The following CC2D2A variants were observed in gnomAD, a reference collection of about 807,000 sequenced individuals.
The protein encoded by CC2D2A is coiled-coil and C2 domain-containing protein 2A.
In CC2D2A, 155 loss-of-function variants were observed where a neutral mutation model predicts 212.9. The observed-to-expected ratio is 0.73, with a 90% CI of 0.64 to 0.83. CC2D2A has a LOEUF of 0.83. Ranked by LOEUF, CC2D2A falls within the 40% of genes least tolerant of loss-of-function variation. The probability of loss-of-function intolerance (pLI) is 0.00; values close to 1 mark genes in which losing one functional copy is unlikely to be tolerated. For synonymous variants in CC2D2A, 667 were observed against 686.5 expected (o/e 0.97, Z 0.44); for missense variants, 1,856 against 1,956.2 (o/e 0.95, Z 0.97).
At chr4:15,475,891 G>A (rs1406395504) in intron 1 of CC2D2A, 24 bp from the exon 2 acceptor site, 6 of 1,539,770 alleles carry the variant, frequency 3.9e-6, no homozygotes, top group Non-Finnish European at 5.3e-6. Context: ...CAAAATGCCT[G>A]ACTTCTTCAT....
intron 6 of CC2D2A, among the ~76,000 whole-genome samples, chr4:15,507,541 T>C (rs962535967): frequency 3.3e-5 from 5 of 152,304 alleles, no homozygotes; most frequent in Admixed American, 6.5e-5. Context: ...GCACCAACTA[T>C]GTAGAGGCCA....
chr4:15,560,971 G>A (rs956506775), intron 23 of CC2D2A, among the ~76,000 whole-genome samples: 3 of 152,148 alleles, frequency 2.0e-5, no homozygotes, highest in Admixed American at 6.6e-5. Context: ...GTCTCCCAGT[G>A]CCAGACATTC....
chr4:15,495,099 T>C (rs1715539064), intron 4 of CC2D2A, among the ~76,000 whole-genome samples: 1 of 152,108 alleles, frequency 6.6e-6, no homozygotes, highest in Non-Finnish European at 1.5e-5. Flanking sequence ...ATACCCAATG[T>C]CTGTTGTTTC....
In CC2D2A at chr4:15,587,856, C is replaced by G; in HGVS notation, c.4106C>G (p.Ala1369Gly). The change falls in exon 32 of 37, where the codon GCA (alanine) becomes GGA (glycine). Residue 1369 changes from alanine (A) to glycine (G), a missense_variant. Ala to Gly is a moderately conservative substitution (Grantham distance 60, BLOSUM62 0). Transcript: ENST00000424120. ...CTGGCAGGGGATGAAGAAGAACATGCAGTACTATTGTGTAATTACTTTCTG... is the reference window on the plus strand; with the variant it reads ...CTGGCAGGGGATGAAGAAGAACATGGAGTACTATTGTGTAATTACTTTCTG... ...DLLAGDEEEH[A>G]VLLCNYFLSL... is the part of the protein sequence containing the mutation. 2 of 1,613,244 alleles carry G rather than the reference C, an allele frequency of 1.2e-6. No homozygotes were observed. The highest frequency in any genetic ancestry group is 1.7e-6 in the Non-Finnish European group (2 of 1,179,330).
intron 14 of CC2D2A, among the ~76,000 whole-genome samples, chr4:15,534,083 A>T (rs1717992571): frequency 6.6e-6 from 1 of 152,204 alleles, no homozygotes; most frequent in Non-Finnish European, 1.5e-5. Context: ...CATGAAGGTG[A>T]GCATTTTTTC....
At chr4:15,553,511 A>T (rs1420164923) in intron 19 of CC2D2A, among the ~76,000 whole-genome samples, 1 of 152,262 alleles carries the variant, frequency 6.6e-6, no homozygotes, top group Non-Finnish European at 1.5e-5. Context: ...TAGCCTAAGA[A>T]ATATTAAGTG....
At position 15,515,860 on chromosome 4, in the gene CC2D2A, C is replaced by T. The variant is rs114387988; in HGVS notation, c.881-8C>T. 67 of 1,548,418 alleles carry T rather than the reference C, an allele frequency of 4.3e-5. No homozygotes were observed. Among genetic ancestry groups the T allele is most frequent in the Admixed American group, 9.9e-5 (5 of 50,636 alleles). On this transcript the variant is annotated splice_polypyrimidine_tract_variant and splice_region_variant and intron_variant, in intron 9 of 36. Coordinates refer to ENST00000424120, the MANE Select transcript of CC2D2A (RefSeq NM_001378615.1). ...AATGTTTATTTTATTTATTTATAAA[C>T]GATCTAGTCCCTACATATAAAAAGC...
intron 6 of CC2D2A, among the ~76,000 whole-genome samples, chr4:15,507,782 A>G (rs989607157): frequency 6.6e-6 from 1 of 152,240 alleles, no homozygotes; most frequent in Non-Finnish European, 1.5e-5. Context: ...GGCCTCGGAC[A>G]AAGTCTGTTG....
intron 14 of CC2D2A, 79 bp from the exon 15 acceptor site, chr4:15,536,841 C>T: frequency 7.3e-7 from 1 of 1,368,720 alleles, no homozygotes; most frequent in South Asian, 1.4e-5. Flanking sequence ...ATAGCAAGTC[C>T]AATATAAGTA....
At chr4:15,569,225 G>T in intron 26 of CC2D2A, 68 bp from the exon 27 acceptor site, 1 of 835,420 alleles carries the variant, frequency 1.2e-6, no homozygotes, top group South Asian at 1.6e-5. Flanking sequence ...TTCAAATGCT[G>T]ACATTTGAAT....
chr4:15,599,725 C>CTAAACTGACTG lies in CC2D2A; in HGVS notation c.4674+21_4674+31dup, dbSNP rs1721495900. On this transcript the variant is annotated intron_variant, in intron 36 of 36. Transcript: ENST00000424120. ...CTACAGGGTAAGTTACAAATGGATC[C>CTAAACTGACTG]TAAACTGACTGTGGATTTCCTTGTT... The CTAAACTGACTG allele has an allele frequency of 2.6e-6, 4 of 1,553,766 alleles. No individual in the cohort carries two copies. The South Asian group carries it at 4.7e-5, about 18-fold the overall frequency.
At chr4:15,513,351 C>G (rs181866542) in intron 8 of CC2D2A, among the ~76,000 whole-genome samples, 2 of 152,340 alleles carry the variant, frequency 1.3e-5, no homozygotes, top group East Asian at 3.9e-4. Flanking sequence ...TCAGGAGAAG[C>G]AAGTCACGAG....
chr4:15,554,004 T>C (rs1719139692), intron 19 of CC2D2A, among the ~76,000 whole-genome samples: 2 of 152,206 alleles, frequency 1.3e-5, no homozygotes, highest in Admixed American at 6.5e-5. Flanking sequence ...GGCTGTCATG[T>C]TCAACTTATG....
chr4:15,601,433 C>A lies in CC2D2A; in HGVS notation c.*8C>A, dbSNP rs202212816. 6.9e-7 allele frequency: 1 copy of A among 1,455,526 alleles called. No homozygotes were observed. Among genetic ancestry groups the A allele is most frequent in the Non-Finnish European group, 9.1e-7 (1 of 1,096,892 alleles). 90.2% of individuals were successfully genotyped at this position (1,455,526 alleles called of 1,614,324 possible). A position where few individuals can be genotyped will look rare whatever the true frequency, so the allele number is the denominator to read the frequency against. ...CTTATACGCAACAGGTAATTTTTTT[C>A]ACTGTACTTTCTGTATCATGTAAAA... On this transcript the variant is annotated 3_prime_UTR_variant, in exon 37 of 37. Coordinates refer to ENST00000424120, the MANE Select transcript of CC2D2A (RefSeq NM_001378615.1).
intron 8 of CC2D2A, among the ~76,000 whole-genome samples, chr4:15,512,836 C>T (rs546577968): frequency 1.5e-4 from 23 of 151,960 alleles, no homozygotes; most frequent in African/African-American, 5.5e-4. Context: ...ACCTGTAATC[C>T]AGCTACTCAG....
chr4:15,522,760 C>A (rs1255282686), intron 11 of CC2D2A, among the ~76,000 whole-genome samples: 1 of 152,062 alleles, frequency 6.6e-6, no homozygotes, highest in Non-Finnish European at 1.5e-5. Flanking sequence ...TAGGACATTG[C>A]AGGTAAAACA....
rs182868842 is a variant in CC2D2A at position 15,520,007 on chromosome 4, A to G, written c.1149+3251A>G. ...GGTATAACAATCATCATTTTTGTCT[A>G]TAAAGAGGAATGATGAATAGAGAAA... On this transcript the variant is annotated intron_variant, in intron 11 of 36. Coordinates refer to ENST00000424120, the MANE Select transcript of CC2D2A (RefSeq NM_001378615.1). Among the ~76,000 whole-genome samples the G allele has an allele frequency of 2.1e-4, 32 of 152,314 alleles. 2 individuals are homozygous for G. The East Asian group carries it at 2.9e-3, about 14-fold the overall frequency.
intron 36 of CC2D2A, 49 bp downstream of exon 36, chr4:15,599,755 A>G (rs1472835337): frequency 2.1e-6 from 3 of 1,420,348 alleles, no homozygotes. Flanking sequence ...CTTGTTTCAA[A>G]TTGGAAATTA....
intron 1 of CC2D2A, among the ~76,000 whole-genome samples, chr4:15,473,889 T>C (rs1291942661): frequency 6.6e-6 from 1 of 152,170 alleles, no homozygotes; most frequent in Non-Finnish European, 1.5e-5. Flanking sequence ...TTCTGTTTAC[T>C]ACAACAGGAA....
Sources: gnomAD v4.1 joint callset for allele counts (sites outside exome capture counted in the v4.1 genomes callset) on GRCh38, gnomAD v4.1.1 for gene constraint, MANE v1.5 for transcripts, NCBI Gene and HGNC (gene_info 2026-07-23, HGNC 2026-07-21) for gene names.